Variants in SDK1 observed in about 807,000 individuals in gnomAD.
SDK1 encodes the protein protein sidekick-1.
In SDK1, 157 loss-of-function variants were observed where a neutral mutation model predicts 245.5. The observed-to-expected ratio is 0.64, with a 90% CI of 0.56 to 0.73. SDK1 has a LOEUF of 0.73. Ranked by LOEUF, SDK1 falls within the 30% of genes least tolerant of loss-of-function variation. The probability of loss-of-function intolerance (pLI) is 0.00; values close to 1 mark genes in which losing one functional copy is unlikely to be tolerated. For synonymous variants in SDK1, 1,647 were observed against 1,278.5 expected (o/e 1.29, Z -6.15); for missense variants, 3,583 against 3,002.3 (o/e 1.19, Z -4.52).
At chr7:3,723,022 A>G (rs750714864) in intron 4 of SDK1, among the ~76,000 whole-genome samples, 24 of 152,242 alleles carry the variant, frequency 1.6e-4, no homozygotes, top group Non-Finnish European at 2.8e-4. Flanking sequence ...GTAATATTCA[A>G]TTTCACACTT....
chr7:3,334,802 T>C (rs1780157455), intron 1 of SDK1, among the ~76,000 whole-genome samples: 1 of 152,192 alleles, frequency 6.6e-6, no homozygotes, highest in Non-Finnish European at 1.5e-5. Context: ...TCTAGAGGTA[T>C]ATTTCCAATG....
At chr7:3,680,080 G>A (rs184486860) in intron 4 of SDK1, among the ~76,000 whole-genome samples, 39 of 152,226 alleles carry the variant, frequency 2.6e-4, no homozygotes, top group Admixed American at 2.2e-3. Context: ...TGGTGCATCC[G>A]CAGCATGGAA....
In SDK1 at chr7:3,530,730, A is replaced by G. The variant is rs77467454; in HGVS notation, c.299-88350A>G. 9.4e-4 allele frequency among the ~76,000 whole-genome samples: 143 copies of G among 152,348 alleles called. 3 individuals carry two copies. In the East Asian group the frequency reaches 0.024, roughly 25 times the overall value. ...ACATAAATAAGGAAAATGTAGGCCA[A>G]GGTAGCTAAATGCAAACACAGAATA... On this transcript the variant is annotated intron_variant, in intron 1 of 44. Coordinates refer to ENST00000404826, the MANE Select transcript of SDK1 (RefSeq NM_152744.4).
intron 36 of SDK1, 40 bp from the exon 37 acceptor site, chr7:4,208,059 T>A (rs753322173): frequency 3.9e-6 from 6 of 1,529,212 alleles, no homozygotes; most frequent in Non-Finnish European, 5.4e-6. Flanking sequence ...ACTGGAAGGC[T>A]TCCCCAGGAC....
chr7:3,719,947 A>T (rs1012151895), intron 4 of SDK1, among the ~76,000 whole-genome samples: 18 of 151,952 alleles, frequency 1.2e-4, no homozygotes, highest in Non-Finnish European at 2.1e-4. Flanking sequence ...ACTGCACCCC[A>T]GTCTGGTGAC....
chr7:3,337,784 A>G (rs914934855), intron 1 of SDK1: 6 of 152,362 alleles, frequency 3.9e-5, no homozygotes, highest in African/African-American at 1.2e-4. Context: ...CACCAATTCT[A>G]TATGCAACAA....
At chr7:3,533,625 C>G (rs1783421648) in intron 1 of SDK1, among the ~76,000 whole-genome samples, 1 of 152,122 alleles carries the variant, frequency 6.6e-6, no homozygotes, top group African/African-American at 2.4e-5. Flanking sequence ...AATTCATGTT[C>G]TGAGAAGTTT....
At chr7:4,083,830 C>CCT (rs906966116) in intron 22 of SDK1, among the ~76,000 whole-genome samples, 1 of 137,914 alleles carries the variant, frequency 7.3e-6, no homozygotes, top group Non-Finnish European at 1.6e-5. Flanking sequence ...TCTCTCCCTT[C>CCT]CTCTCTCTCT....
At chr7:3,810,473 C>G (rs1370183434) in intron 4 of SDK1, among the ~76,000 whole-genome samples, 1 of 152,114 alleles carries the variant, frequency 6.6e-6, no homozygotes, top group Non-Finnish European at 1.5e-5. Flanking sequence ...TTTGGCATAG[C>G]CATTTATTTG....
intron 1 of SDK1, among the ~76,000 whole-genome samples, chr7:3,592,094 A>G (rs1780894683): frequency 6.6e-6 from 1 of 152,210 alleles, no homozygotes; most frequent in Admixed American, 6.5e-5. Flanking sequence ...TTTGGAAGTA[A>G]TGGAGGAAGT....
intron 4 of SDK1, among the ~76,000 whole-genome samples, chr7:3,720,100 TA>T (rs1433260376): frequency 6.6e-6 from 1 of 151,868 alleles, no homozygotes; most frequent in Non-Finnish European, 1.5e-5. Context: ...TTATCACAAT[TA>T]AAAACTTTTA....
chr7:4,264,051 C>A (rs1466655826), intron 44 of SDK1, among the ~76,000 whole-genome samples: 1 of 33,964 alleles, frequency 2.9e-5, no homozygotes, highest in Non-Finnish European at 5.2e-5. Flanking sequence ...GCCGCGTAGA[C>A]CTCTCCTGAG....
chr7:3,391,625 C>T (rs1399822633), intron 1 of SDK1, among the ~76,000 whole-genome samples: 3 of 147,186 alleles, frequency 2.0e-5, no homozygotes, highest in Admixed American at 7.0e-5. Flanking sequence ...TACATGTATC[C>T]TGTTAACTGA....
In SDK1 at chr7:3,813,226, G is replaced by A. The variant is rs1169759902; in HGVS notation, c.714-8224G>A. On this transcript the variant is annotated intron_variant, in intron 4 of 44. Transcript: ENST00000404826. ...GCTGCACCCACTAACTCGTCATCTAGCATTAGGTATATCTCCCAATGCTAT... is the reference window on the plus strand; with the variant it reads ...GCTGCACCCACTAACTCGTCATCTAACATTAGGTATATCTCCCAATGCTAT... Among the ~76,000 whole-genome samples the A allele has an allele frequency of 8.9e-3, 1,300 of 146,066 alleles. 23 individuals are homozygous for A. Among genetic ancestry groups the A allele is most frequent in the African/African-American group, 0.031 (1,214 of 39,566 alleles).
intron 1 of SDK1, among the ~76,000 whole-genome samples, chr7:3,332,234 C>A (rs1156972375): frequency 6.6e-6 from 1 of 152,022 alleles, no homozygotes; most frequent in African/African-American, 2.4e-5. Flanking sequence ...AGTTTTAAGT[C>A]TCCTTATTTT....
At chr7:3,406,485 G>A (rs900342021) in intron 1 of SDK1, among the ~76,000 whole-genome samples, 11 of 152,264 alleles carry the variant, frequency 7.2e-5, no homozygotes, top group African/African-American at 2.6e-4. Flanking sequence ...CACTCTGGTC[G>A]GACAGACCTT....
intron 4 of SDK1, among the ~76,000 whole-genome samples, chr7:3,763,803 T>G (rs1014205153): frequency 6.6e-6 from 1 of 152,192 alleles, no homozygotes; most frequent in East Asian, 1.9e-4. Context: ...TCATGACATA[T>G]TCATACATTA....
At chr7:4,181,015 G>A (rs1356919331) in intron 35 of SDK1, among the ~76,000 whole-genome samples, 2 of 152,190 alleles carry the variant, frequency 1.3e-5, no homozygotes, top group Non-Finnish European at 2.9e-5. Context: ...CGGCATTCAG[G>A]ATGGTGAGCA....
chr7:4,022,810 G>C (rs1248261841), intron 17 of SDK1, among the ~76,000 whole-genome samples: 1 of 131,234 alleles, frequency 7.6e-6, no homozygotes, highest in Non-Finnish European at 1.6e-5. Flanking sequence ...GTCTTGCTCT[G>C]TCTCCCAGGC....
Sources: allele counts gnomAD v4.1 joint callset (sites outside exome capture counted in the v4.1 genomes callset), GRCh38; gene constraint gnomAD v4.1.1; transcripts MANE v1.5; gene names NCBI Gene and HGNC (gene_info 2026-07-23, HGNC 2026-07-21).